Variants in KIF27 observed in about 807,000 individuals in gnomAD.
KIF27 encodes the protein kinesin-like protein KIF27.
In KIF27, 84 loss-of-function variants were observed where a neutral mutation model predicts 141.8. The ratio of observed to expected loss-of-function variants is 0.59; its 90% CI spans 0.50 to 0.71. KIF27 has a LOEUF of 0.71. Ranked by LOEUF, KIF27 falls within the 30% of genes least tolerant of loss-of-function variation. The probability of loss-of-function intolerance (pLI) is 0.00; values close to 1 mark genes in which losing one functional copy is unlikely to be tolerated. For synonymous variants in KIF27, 471 were observed against 569.5 expected (o/e 0.83, Z 2.46); for missense variants, 1,306 against 1,628.4 (o/e 0.80, Z 3.41).
intron 16 of KIF27, among the ~76,000 whole-genome samples, chr9:83,848,262 T>TATCA (rs1564286929): frequency 3.8e-5 from 4 of 105,162 alleles, no homozygotes; most frequent in Non-Finnish European, 5.6e-5. Context: ...ATGATATATA[T>TATCA]GATATATCAG....
At position 83,857,629 on chromosome 9, in the gene KIF27, A is replaced by G. The variant is rs142629047; in HGVS notation, c.3150+1527T>C. ...GAAACCTAAATGTTTCTTGATATTA[A>G]TGGAACTCTACCCTACTGCAAACAT... On this transcript the variant is annotated intron_variant, in intron 14 of 17. Transcript: ENST00000297814. Among the ~76,000 whole-genome samples, 921 of 152,316 alleles carry G rather than the reference A, an allele frequency of 6.0e-3. 9 individuals are homozygous for G. The highest frequency in any genetic ancestry group is 0.021 in the African/African-American group (874 of 41,574).
At chr9:83,905,787 A>G (rs1954457417) in intron 3 of KIF27, among the ~76,000 whole-genome samples, 1 of 152,222 alleles carries the variant, frequency 6.6e-6, no homozygotes, top group African/African-American at 2.4e-5. Flanking sequence ...CCTGTGAAGT[A>G]GGACCCAGAA....
At chr9:83,866,450 C>T (rs1034048083) in intron 13 of KIF27, among the ~76,000 whole-genome samples, 4 of 152,078 alleles carry the variant, frequency 2.6e-5, no homozygotes, top group Non-Finnish European at 5.9e-5. Context: ...TATTTGCTTT[C>T]CATCTTTTCT....
At position 83,903,304 on chromosome 9, in the gene KIF27, T is replaced by C. The variant is rs756890196; in HGVS notation, c.1214A>G (p.Gln405Arg). The change falls in exon 4 of 18, where the codon CAA becomes CGA. Residue 405 changes from glutamine (Q) to arginine (R), a missense_variant. Physicochemically the swap from Gln to Arg is conservative, Grantham distance 43. This residue lies in a region of KIF27 where 533 missense variants were observed against 565.6 expected (regional missense o/e 0.94). Coordinates refer to ENST00000297814, the MANE Select transcript of KIF27 (RefSeq NM_017576.4). ...HSLEEQVAQLQGECLGYQCCV... is the reference protein window; with the variant it reads ...HSLEEQVAQLRGECLGYQCCV... ...ACACTGGTAACCCAGACATTCTCCT[T>C]GAAGCTGAGCTACTTGCTCCTCAAG... 16 of 1,614,080 alleles carry C rather than the reference T, an allele frequency of 9.9e-6. No homozygotes were observed. Among genetic ancestry groups the C allele is most frequent in the Middle Eastern group, 1.6e-4 (1 of 6,084 alleles).
intron 11 of KIF27, among the ~76,000 whole-genome samples, chr9:83,872,762 C>G (rs1458857065): frequency 1.3e-5 from 2 of 152,286 alleles, no homozygotes; most frequent in East Asian, 3.9e-4. Flanking sequence ...GTAAGGAAGA[C>G]TTGTTTCCCA....
At chr9:83,859,049 G>T in intron 14 of KIF27, 107 bp downstream of exon 14, 3 of 897,172 alleles carry the variant, frequency 3.3e-6, no homozygotes, top group South Asian at 1.5e-5. Flanking sequence ...AAAATCTCAA[G>T]GAACCAAGTT....
chr9:83,884,664 C>T (rs1352699977), intron 9 of KIF27, among the ~76,000 whole-genome samples: 2 of 152,076 alleles, frequency 1.3e-5, no homozygotes, highest in Admixed American at 6.6e-5. Flanking sequence ...ATGGACATAA[C>T]CAAAAAGTCA....
chr9:83,912,342 CT>C (rs1343882086), intron 2 of KIF27, among the ~76,000 whole-genome samples: 1 of 152,220 alleles, frequency 6.6e-6, no homozygotes, highest in Non-Finnish European at 1.5e-5. Flanking sequence ...TGATGGCTGC[CT>C]TTCCCCTAAT....
chr9:83,861,102 T>C (rs2131891068), intron 13 of KIF27, among the ~76,000 whole-genome samples: 1 of 152,066 alleles, frequency 6.6e-6, no homozygotes, highest in Admixed American at 6.6e-5. Context: ...CCTTCTTTTT[T>C]CCTCAGTCAG....
chr9:83,883,988 T>C lies in KIF27; in HGVS notation c.2270A>G (p.Tyr757Cys). The C allele has an allele frequency of 6.2e-7, 1 of 1,612,756 alleles. No homozygotes were observed. The highest frequency in any genetic ancestry group is 8.5e-7 in the Non-Finnish European group (1 of 1,179,062). ...GNDAKSVSKQYSLKVTKLEHD... is the reference protein window; with the variant it reads ...GNDAKSVSKQCSLKVTKLEHD... ...CTCTAGCTTTGTTACTTTCAAAGAA[T>C]ACTGCTTGCTTACAGACTTGGCATC... Residue 757 changes from tyrosine (Y) to cysteine (C), a missense_variant, in exon 10 of 18, where the codon TAT (tyrosine) becomes TGT (cysteine). Physicochemically the swap from Tyr to Cys is radical, Grantham distance 194. Coordinates refer to ENST00000297814, the MANE Select transcript of KIF27 (RefSeq NM_017576.4).
At chr9:83,894,773 C>T (rs1953017640) in intron 5 of KIF27, among the ~76,000 whole-genome samples, 1 of 152,154 alleles carries the variant, frequency 6.6e-6, no homozygotes, top group Non-Finnish European at 1.5e-5. Flanking sequence ...TTTTCCTTTG[C>T]TGATCTTGCT....
chr9:83,903,291 C>A lies in KIF27; in HGVS notation c.1227G>T (p.Leu409=). 1.4e-5 allele frequency: 22 copies of A among 1,614,196 alleles called. No individual in the cohort carries two copies. Among genetic ancestry groups the A allele is most frequent in the Non-Finnish European group, 1.9e-5 (22 of 1,180,022 alleles). ...CTTCTTCTACACAACACTGGTAACC[C>A]AGACATTCTCCTTGAAGCTGAGCTA... ...EQVAQLQGEC[L]GYQCCVEEAF... The change falls in exon 4 of 18, where the codon CTG becomes CTT. Residue 409 remains leucine (L), a synonymous_variant. Coordinates refer to ENST00000297814, the MANE Select transcript of KIF27 (RefSeq NM_017576.4).
chr9:83,870,709 T>A, intron 11 of KIF27, 77 bp from the exon 12 acceptor site: 2 of 391,470 alleles, frequency 5.1e-6, no homozygotes, highest in South Asian at 5.8e-5. Context: ...ATTATTTTCT[T>A]TTTTTTTTTT....
intron 1 of KIF27, among the ~76,000 whole-genome samples, chr9:83,920,552 G>A (rs1956152513): frequency 6.6e-6 from 1 of 152,096 alleles, no homozygotes; most frequent in Non-Finnish European, 1.5e-5. Context: ...GAAAGCAGTG[G>A]TTGTCTTAAA....
chr9:83,885,184 C>T (rs1312617549), intron 9 of KIF27, among the ~76,000 whole-genome samples: 1 of 152,162 alleles, frequency 6.6e-6, no homozygotes, highest in Admixed American at 6.5e-5. Context: ...CCTCCGCCTC[C>T]TGGGTTCCAG....
chr9:83,850,553 G>A (rs1948433657), intron 15 of KIF27, among the ~76,000 whole-genome samples: 1 of 152,018 alleles, frequency 6.6e-6, no homozygotes, highest in Non-Finnish European at 1.5e-5. Context: ...GCTGAGGTGG[G>A]GGGGATCGCT....
At chr9:83,856,896 G>A (rs1156908004) in intron 14 of KIF27, among the ~76,000 whole-genome samples, 1 of 138,820 alleles carries the variant, frequency 7.2e-6, no homozygotes, top group Non-Finnish European at 1.5e-5. Context: ...GACAGAGTGA[G>A]ACTCCATCTC....
intron 16 of KIF27, 23 bp downstream of exon 16, chr9:83,850,076 T>C (rs774995758): frequency 1.2e-6 from 2 of 1,601,628 alleles, no homozygotes; most frequent in Non-Finnish European, 1.7e-6. Flanking sequence ...CAACCTTACA[T>C]AACTGTCAAA....
intron 1 of KIF27, among the ~76,000 whole-genome samples, chr9:83,917,318 A>C (rs547851391): frequency 3.9e-5 from 6 of 152,344 alleles, no homozygotes; most frequent in African/African-American, 1.4e-4. Flanking sequence ...CTGTTAGAAG[A>C]AAGCACAAGA....
Sources: gnomAD v4.1 joint callset for allele counts (sites outside exome capture counted in the v4.1 genomes callset) on GRCh38, gnomAD v4.1.1 for gene constraint, gnomAD v4.1.1 regional missense constraint, MANE v1.5 for transcripts, NCBI Gene and HGNC (gene_info 2026-07-23, HGNC 2026-07-21) for gene names.